Variants in S100A13 observed in about 807,000 individuals in gnomAD.
S100A13 encodes S100 calcium binding protein A13, also known as protein S100-A13.
A neutral mutation model predicts 8.2 loss-of-function variants in S100A13; 6 were observed. That is an observed-to-expected ratio of 0.73 (90% CI 0.40 to 1.44). The LOEUF is 1.44. Among genes scored for constraint, S100A13 ranks in the 40% most tolerant of loss-of-function variants. The pLI, the probability that S100A13 is intolerant of heterozygous loss-of-function variation, is 0.02. For synonymous variants in S100A13, 39 were observed against 45.9 expected, an observed-to-expected ratio of 0.85 and a Z score of 0.61; for missense variants, 114 against 113.6, an observed-to-expected ratio of 1.00 and a Z score of -0.02.
upstream of S100A13, chr1:153,628,279 C>T: frequency 6.6e-7 from 1 of 1,517,924 alleles, no homozygotes; most frequent in Non-Finnish European, 8.9e-7. Context: ...GGGAAAGAGA[C>T]AAGGGCCGCC....
chr1:153,621,347 G>A (rs2101556922), intron 2 of S100A13, among the ~76,000 whole-genome samples: 4 of 151,648 alleles, frequency 2.6e-5, no homozygotes, highest in Admixed American at 2.6e-4. Context: ...AGTAGAGATG[G>A]GGTTTCACCA....
At chr1:153,628,670 G>A (rs1042154279), upstream of S100A13, 17 of 1,114,810 alleles carry the variant, frequency 1.5e-5, no homozygotes, top group African/African-American at 4.7e-5. Flanking sequence ...TTTGGAAGGT[G>A]GTGATGAGAG....
At chr1:153,628,408 G>T, upstream of S100A13, 9 of 1,550,470 alleles carry the variant, frequency 5.8e-6, no homozygotes, top group Non-Finnish European at 7.8e-6. Flanking sequence ...GACTGTTGAA[G>T]ACAGGTCTCC....
At chr1:153,626,168 G>A (rs552960442) in intron 2 of S100A13, 152 bp downstream of exon 2, 23 of 746,218 alleles carry the variant, frequency 3.1e-5, no homozygotes, top group South Asian at 1.8e-4. Flanking sequence ...ACTTTGTCTC[G>A]AAAAAACAAA....
At chr1:153,632,149 C>A, upstream of S100A13, 1 of 305,680 alleles carries the variant, frequency 3.3e-6, no homozygotes. Context: ...GGTCAAGGTG[C>A]ATTACATCTT....
upstream of S100A13, chr1:153,627,657 G>A (rs542257679): frequency 3.3e-4 from 56 of 170,580 alleles, 1 homozygote; most frequent in African/African-American, 1.2e-3. Flanking sequence ...GTCTGGACCC[G>A]GGCTCCCTGC....
At chr1:153,632,041 C>A (rs1668045874), upstream of S100A13, 1 of 611,238 alleles carries the variant, frequency 1.6e-6, no homozygotes, top group African/African-American at 1.9e-5. Flanking sequence ...CACCAGCCAT[C>A]CGATGTCTGT....
chr1:153,620,703 G>A (rs1667186241), intron 2 of S100A13, among the ~76,000 whole-genome samples: 1 of 152,148 alleles, frequency 6.6e-6, no homozygotes, highest in African/African-American at 2.4e-5. Context: ...GTAACCTAGA[G>A]TTACTTGTAA....
intron 2 of S100A13, among the ~76,000 whole-genome samples, chr1:153,624,408 A>G (rs994786180): frequency 2.0e-5 from 3 of 152,206 alleles, no homozygotes; most frequent in Admixed American, 6.5e-5. Context: ...AAGGAGCGCA[A>G]TAAGAAGAAT....
upstream of S100A13, chr1:153,628,450 T>C: frequency 6.4e-7 from 1 of 1,550,728 alleles, no homozygotes; most frequent in Non-Finnish European, 8.7e-7. Context: ...ATTTGCAACC[T>C]TGGCCATCTG....
chr1:153,632,264 A>ATT (rs1668058862), upstream of S100A13: 2 of 123,902 alleles, frequency 1.6e-5, no homozygotes, highest in Admixed American at 9.7e-5. Flanking sequence ...GGAAGAAATA[A>ATT]TCTTTTTTTT....
chr1:153,630,468 G>C, upstream of S100A13: 2 of 1,604,528 alleles, frequency 1.2e-6, no homozygotes, highest in South Asian at 1.1e-5. Flanking sequence ...CAGGTACTCC[G>C]GGCCTGGTCC....
At chr1:153,629,236 TG>T (rs1436042365), upstream of S100A13, 2 of 152,334 alleles carry the variant, frequency 1.3e-5, no homozygotes, top group African/African-American at 2.4e-5. Flanking sequence ...CCCTCTGGCA[TG>T]GAGCAGGTAA....
intron 1 of S100A13, 49 bp from the exon 2 acceptor site, chr1:153,626,582 T>C: frequency 8.8e-7 from 1 of 1,130,096 alleles, no homozygotes; most frequent in East Asian, 2.4e-5. Context: ...AGCCCCAAGA[T>C]GCAGGAATGG....
In S100A13 at chr1:153,626,378, C is replaced by T. The variant is rs1200164123; in HGVS notation, c.95G>A (p.Ser32Asn). ...TFARQEGRKDSLSVNEFKELV... is the reference protein window; with the variant it reads ...TFARQEGRKDNLSVNEFKELV... ...CTCTTTGAACTCGTTGACGCTGAGG[C>T]TATCCTTCCGGCCCTCCTGCCTTGC... The change falls in exon 2 of 3, where the codon AGC becomes AAC. Residue 32 changes from serine to asparagine, a missense_variant. By Grantham distance (46) the Ser-to-Asn change is conservative. Coordinates refer to ENST00000476133, the MANE Select transcript of S100A13 (RefSeq NM_001024211.2). The T allele has an allele frequency of 2.5e-6, 4 of 1,614,086 alleles. No homozygotes were observed. The African/African-American group carries it at 5.3e-5, about 22-fold the overall frequency.
intron 1 of S100A13, chr1:153,626,956 A>G (rs1264874909): frequency 6.5e-6 from 1 of 154,960 alleles, no homozygotes; most frequent in African/African-American, 2.4e-5. Flanking sequence ...CTCACAGGTC[A>G]TAAGGTTGTT....
intron 2 of S100A13, among the ~76,000 whole-genome samples, chr1:153,624,547 GAAA>G (rs34952512): frequency 1.8e-5 from 2 of 109,298 alleles, no homozygotes; most frequent in Non-Finnish European, 2.0e-5. Flanking sequence ...TTGAATTTAG[GAAA>G]AAAAAAAAAA....
upstream of S100A13, chr1:153,631,598 T>G: frequency 6.2e-7 from 1 of 1,613,844 alleles, no homozygotes; most frequent in Admixed American, 1.7e-5. Flanking sequence ...GCAGTTCCTC[T>G]CGCTCATCTT....
upstream of S100A13, chr1:153,630,618 G>A (rs1667956674): frequency 6.2e-7 from 1 of 1,614,120 alleles, no homozygotes. Flanking sequence ...GAGCAAGAAG[G>A]AGCTGAAAGA....
Sources: allele counts gnomAD v4.1 joint callset (sites outside exome capture counted in the v4.1 genomes callset), GRCh38; gene constraint gnomAD v4.1.1; transcripts MANE v1.5; gene names NCBI Gene and HGNC (gene_info 2026-07-23, HGNC 2026-07-21).